CEP85L: variants seen among roughly 807,000 people sequenced by gnomAD.
CEP85L encodes the protein centrosomal protein 85L.
A neutral mutation model predicts 100.3 loss-of-function variants in CEP85L; 60 were observed. The ratio of observed to expected loss-of-function variants is 0.60; its 90% CI spans 0.49 to 0.74. The LOEUF (loss-of-function observed/expected upper bound fraction) is 0.74, where lower values mean the gene tolerates loss of function less well. CEP85L is among the 30% of genes least tolerant of loss of function. The probability of loss-of-function intolerance (pLI) is 0.00; values close to 1 mark genes in which losing one functional copy is unlikely to be tolerated. For missense variants in CEP85L, 973 were observed against 936.2 expected, an observed-to-expected ratio of 1.04 and a Z score of -0.51; for synonymous variants, 319 against 322.7, an observed-to-expected ratio of 0.99 and a Z score of 0.12.
chr6:118,645,811 A>G (rs1044518597), intron 1 of CEP85L, among the ~76,000 whole-genome samples: 4 of 152,264 alleles, frequency 2.6e-5, no homozygotes, highest in African/African-American at 9.6e-5. Flanking sequence ...CTAGCACACC[A>G]TATTTATTGA....
At chr6:118,685,125 G>C (rs1776789957) in intron 1 of CEP85L, among the ~76,000 whole-genome samples, 1 of 152,166 alleles carries the variant, frequency 6.6e-6, no homozygotes, top group Non-Finnish European at 1.5e-5. Context: ...CAACTAAAAG[G>C]GAAATTTAGC....
At chr6:118,470,485 C>A in intron 11 of CEP85L, 52 bp downstream of exon 11, 1 of 995,576 alleles carries the variant, frequency 1.0e-6, no homozygotes, top group East Asian at 2.7e-5. Flanking sequence ...ATAAAATAAG[C>A]ATTTTATAGT....
At chr6:118,683,459 G>A (rs1472133053) in intron 1 of CEP85L, among the ~76,000 whole-genome samples, 1 of 152,068 alleles carries the variant, frequency 6.6e-6, no homozygotes, top group East Asian at 1.9e-4. Context: ...ATTTGGCCTA[G>A]AGGGAAAGGA....
At chr6:118,707,236 C>T (rs1364789421) in intron 1 of CEP85L, among the ~76,000 whole-genome samples, 2 of 151,290 alleles carry the variant, frequency 1.3e-5, no homozygotes, top group African/African-American at 4.9e-5. Context: ...ACTCTGTCAC[C>T]CAGACTGAGC....
At chr6:118,697,251 T>C (rs1777244764) in intron 1 of CEP85L, among the ~76,000 whole-genome samples, 1 of 152,202 alleles carries the variant, frequency 6.6e-6, no homozygotes, top group Non-Finnish European at 1.5e-5. Context: ...AGAAGGGGTA[T>C]AGCTATTGGA....
At chr6:118,597,690 T>C (rs1228821649) in intron 2 of CEP85L, among the ~76,000 whole-genome samples, 2 of 152,152 alleles carry the variant, frequency 1.3e-5, no homozygotes, top group African/African-American at 4.8e-5. Flanking sequence ...AAGGTGAGTA[T>C]AAAACAATGC....
intron 1 of CEP85L, among the ~76,000 whole-genome samples, chr6:118,648,564 A>AC: frequency 6.6e-6 from 1 of 151,984 alleles, no homozygotes; most frequent in East Asian, 1.9e-4. Flanking sequence ...ACACGGTGAA[A>AC]CCCCGTCTCT....
chr6:118,651,570 A>G lies in CEP85L; in HGVS notation c.-301T>C. The G allele has an allele frequency of 8.6e-7, 1 of 1,162,952 alleles. No individual in the cohort carries two copies. The highest frequency in any genetic ancestry group is 3.6e-5 in the South Asian group (1 of 27,586). 72.0% of individuals were successfully genotyped at this position (1,162,952 alleles called of 1,614,324 possible). On this transcript the variant is annotated 5_prime_UTR_variant, in exon 1 of 13. Coordinates refer to ENST00000368491, the MANE Select transcript of CEP85L (RefSeq NM_001042475.3). ...AGCCCAGGCTCAAAGGCTCCAGGCG[A>G]AGTTGCAGCTGCGGGTTCTCTCCGC...
chr6:118,522,082 C>G (rs1404299239), intron 4 of CEP85L, among the ~76,000 whole-genome samples: 1 of 151,948 alleles, frequency 6.6e-6, no homozygotes, highest in Admixed American at 6.6e-5. Flanking sequence ...AATTTCAGGC[C>G]GGGCATGGTG....
intron 3 of CEP85L, among the ~76,000 whole-genome samples, chr6:118,563,015 CTG>C (rs935892122): frequency 6.6e-6 from 1 of 152,172 alleles, no homozygotes; most frequent in Non-Finnish European, 1.5e-5. Flanking sequence ...AAAGACCAGA[CTG>C]TTTTTCCTCC....
chr6:118,474,476 G>A (rs1172477557), intron 10 of CEP85L, among the ~76,000 whole-genome samples: 1 of 152,146 alleles, frequency 6.6e-6, no homozygotes, highest in Non-Finnish European at 1.5e-5. Context: ...GAGATGGGGG[G>A]CTCCCTTCTT....
chr6:118,695,020 G>A (rs1777161006), intron 1 of CEP85L, among the ~76,000 whole-genome samples: 1 of 152,084 alleles, frequency 6.6e-6, no homozygotes, highest in Non-Finnish European at 1.5e-5. Context: ...CAGTGTGGAA[G>A]TTACCCCAGA....
chr6:118,560,428 A>T (rs954869781), intron 3 of CEP85L: 1 of 167,012 alleles, frequency 6.0e-6, no homozygotes, highest in African/African-American at 2.4e-5. Flanking sequence ...GTCAACATAA[A>T]AGTCTTCATT....
intron 2 of CEP85L, among the ~76,000 whole-genome samples, chr6:118,608,562 A>T (rs1237204854): frequency 2.0e-5 from 3 of 152,004 alleles, no homozygotes; most frequent in Non-Finnish European, 2.9e-5. Context: ...GATTTTTATG[A>T]TTTTTAAAAG....
chr6:118,651,838 T>C, upstream of CEP85L: 1 of 985,388 alleles, frequency 1.0e-6, no homozygotes, highest in Non-Finnish European at 1.2e-6. Flanking sequence ...GGGCAGCGAC[T>C]TGGCCTATTT....
intron 3 of CEP85L, among the ~76,000 whole-genome samples, chr6:118,558,203 G>A (rs1778990832): frequency 6.6e-6 from 1 of 152,074 alleles, no homozygotes; most frequent in Non-Finnish European, 1.5e-5. Context: ...TGCCCGCCTT[G>A]GCCTCCCAAA....
intron 2 of CEP85L, among the ~76,000 whole-genome samples, chr6:118,567,733 T>C (rs1779638534): frequency 6.6e-6 from 1 of 152,128 alleles, no homozygotes; most frequent in Non-Finnish European, 1.5e-5. Flanking sequence ...ATGGAAAAAG[T>C]TATGTTGATA....
rs773407690 is a variant in CEP85L at position 118,566,907 on chromosome 6, TTAAAG to T, written c.233-596_233-592del. 2.6e-5 allele frequency among the ~76,000 whole-genome samples: 4 copies of T among 152,256 alleles called. No individual in the cohort carries two copies. The South Asian group carries it at 8.3e-4, about 32-fold the overall frequency. The stretch of plus-strand genomic sequence containing the variant: ...TAAAATAGGTTTATATTTACCCTAA[TTAAAG>T]TATTGTACCTTTAAAAGGAAAAATC... On this transcript the variant is annotated intron_variant, in intron 2 of 12. Transcript: ENST00000368491.
chr6:118,566,382 A>C, intron 2 of CEP85L, 66 bp from the exon 3 acceptor site: 4 of 1,279,808 alleles, frequency 3.1e-6, no homozygotes, highest in Non-Finnish European at 4.3e-6. Context: ...GGTAAAATGC[A>C]ATATGCCAAA....
Sources: allele counts gnomAD v4.1 joint callset (sites outside exome capture counted in the v4.1 genomes callset), GRCh38; gene constraint gnomAD v4.1.1; transcripts MANE v1.5; gene names NCBI Gene and HGNC (gene_info 2026-07-23, HGNC 2026-07-21).